The following RAB10 variants were observed in gnomAD, a reference collection of about 807,000 sequenced individuals.
RAB10 encodes ras-related protein Rab-10.
Under a neutral mutation model 25.7 loss-of-function variants are expected in RAB10, and 5 were observed. The observed-to-expected ratio is 0.19, with a 90% CI of 0.10 to 0.41. RAB10 has a LOEUF of 0.41. RAB10 is among the 10% of genes least tolerant of loss of function. The probability of loss-of-function intolerance (pLI) is 1.00; values close to 1 mark genes in which losing one functional copy is unlikely to be tolerated. For missense variants in RAB10, 103 were observed against 245.8 expected (o/e 0.42, Z 3.89); for synonymous variants, 89 against 86.4 (o/e 1.03, Z -0.16).
intron 1 of RAB10, 119 bp downstream of exon 1, chr2:26,034,854 A>G: frequency 1.4e-6 from 2 of 1,397,584 alleles, no homozygotes; most frequent in South Asian, 2.5e-5. Context: ...TCCAAACGAC[A>G]CATCCAAGTT....
chr2:26,095,711 G>A (rs1347575941), intron 1 of RAB10, among the ~76,000 whole-genome samples: 1 of 151,986 alleles, frequency 6.6e-6, no homozygotes, highest in East Asian at 1.9e-4. Context: ...AGGAGTTGGA[G>A]CACCAGCCTG....
At chr2:26,064,279 G>C (rs567646075) in intron 1 of RAB10, among the ~76,000 whole-genome samples, 1 of 152,142 alleles carries the variant, frequency 6.6e-6, no homozygotes, top group Non-Finnish European at 1.5e-5. Context: ...GATTGCAGAC[G>C]TTTATTTTTG....
intron 1 of RAB10, among the ~76,000 whole-genome samples, chr2:26,044,197 A>G (rs1665947061): frequency 1.3e-5 from 2 of 152,230 alleles, no homozygotes; most frequent in Admixed American, 1.3e-4. Context: ...TATTTTCCCC[A>G]CCGCTCAACA....
chr2:26,109,600 TC>T (rs1188865506), intron 2 of RAB10, among the ~76,000 whole-genome samples, 167 bp from the exon 3 acceptor site: 1 of 152,246 alleles, frequency 6.6e-6, no homozygotes, highest in African/African-American at 2.4e-5. Flanking sequence ...ATGTGTCACT[TC>T]CTACTGTTTT....
chr2:26,075,692 G>T (rs1268342717), intron 1 of RAB10, among the ~76,000 whole-genome samples: 2 of 152,072 alleles, frequency 1.3e-5, no homozygotes, highest in African/African-American at 4.8e-5. Context: ...ATGACATTAT[G>T]TGGGAAGTAA....
intron 2 of RAB10, among the ~76,000 whole-genome samples, chr2:26,105,603 C>T (rs752767620): frequency 2.0e-5 from 3 of 151,844 alleles, no homozygotes; most frequent in South Asian, 4.2e-4. Context: ...TGCAGTATGC[C>T]GAGATTGTGC....
At chr2:26,053,484 G>A (rs1479358480) in intron 1 of RAB10, among the ~76,000 whole-genome samples, 1 of 152,274 alleles carries the variant, frequency 6.6e-6, no homozygotes, top group East Asian at 1.9e-4. Flanking sequence ...ATACTGAACA[G>A]CAAGTGATTC....
At chr2:26,125,717 T>A (rs1053287432) in intron 3 of RAB10, among the ~76,000 whole-genome samples, 1 of 152,014 alleles carries the variant, frequency 6.6e-6, no homozygotes, top group African/African-American at 2.4e-5. Context: ...CAAAGTGCTG[T>A]CATTTTTTGT....
At chr2:26,060,089 C>T (rs1034964117) in intron 1 of RAB10, among the ~76,000 whole-genome samples, 3 of 152,068 alleles carry the variant, frequency 2.0e-5, no homozygotes, top group African/African-American at 7.2e-5. Context: ...TTAAAATCCT[C>T]CTTAATTGGC....
At chr2:26,051,872 C>T (rs1011742853) in intron 1 of RAB10, among the ~76,000 whole-genome samples, 7 of 151,246 alleles carry the variant, frequency 4.6e-5, no homozygotes, top group African/African-American at 1.7e-4. Flanking sequence ...GCCTGACCAA[C>T]ATGGTGAAAC....
intron 1 of RAB10, among the ~76,000 whole-genome samples, chr2:26,090,285 T>C (rs1274282706): frequency 3.3e-5 from 5 of 152,194 alleles, no homozygotes; most frequent in African/African-American, 1.2e-4. Flanking sequence ...GATACTGTCA[T>C]TTTGTCTTCT....
intron 3 of RAB10, among the ~76,000 whole-genome samples, chr2:26,124,550 G>T (rs1210930647): frequency 6.6e-6 from 1 of 151,572 alleles, no homozygotes; most frequent in Non-Finnish European, 1.5e-5. Context: ...ACAGGCATGA[G>T]CCCCCGTGCT....
At chr2:26,041,361 T>C (rs1448540607) in intron 1 of RAB10, among the ~76,000 whole-genome samples, 1 of 150,920 alleles carries the variant, frequency 6.6e-6, no homozygotes, top group Non-Finnish European at 1.5e-5. Context: ...GCCAACATGG[T>C]GAAACCCCGT....
intron 1 of RAB10, among the ~76,000 whole-genome samples, chr2:26,074,833 C>T (rs1666698538): frequency 6.6e-6 from 1 of 152,196 alleles, no homozygotes; most frequent in Admixed American, 6.5e-5. Context: ...TAACTTCCTT[C>T]TGCCTTCGTT....
chr2:26,076,473 A>G (rs1256101100), intron 1 of RAB10, among the ~76,000 whole-genome samples: 1 of 152,136 alleles, frequency 6.6e-6, no homozygotes. Flanking sequence ...ACTCTCAATG[A>G]TCTCCTCCTG....
At chr2:26,065,861 A>G (rs908262448) in intron 1 of RAB10, among the ~76,000 whole-genome samples, 10 of 152,218 alleles carry the variant, frequency 6.6e-5, no homozygotes, top group African/African-American at 9.6e-5. Flanking sequence ...GCATATAGTT[A>G]TGAGTAATGT....
At chr2:26,091,609 G>T (rs1332463505) in intron 1 of RAB10, among the ~76,000 whole-genome samples, 1 of 152,146 alleles carries the variant, frequency 6.6e-6, no homozygotes, top group African/African-American at 2.4e-5. Context: ...TAAGAGATGG[G>T]ATATGGAGAT....
In RAB10 at chr2:26,119,644, C is replaced by A. The variant is rs1316296243; in HGVS notation, c.328-7500C>A. On this transcript the variant is annotated intron_variant, in intron 3 of 5. Transcript: ENST00000264710. ...TCAAGCTATCCTCCCAGCCTAGCCT[C>A]CCAGGTACCTAGGACCACAAGCGTG... Among the ~76,000 whole-genome samples, 3 of 152,054 alleles carry A rather than the reference C, an allele frequency of 2.0e-5. No individual in the cohort carries two copies. The East Asian group carries it at 5.8e-4, about 29-fold the overall frequency.
chr2:26,126,351 G>A (rs981742281), intron 3 of RAB10, among the ~76,000 whole-genome samples: 11 of 152,168 alleles, frequency 7.2e-5, no homozygotes, highest in African/African-American at 1.4e-4. Context: ...GCCGATGGGG[G>A]TGGATCACTT....
Sources: allele counts gnomAD v4.1 joint callset (sites outside exome capture counted in the v4.1 genomes callset), GRCh38; gene constraint gnomAD v4.1.1; transcripts MANE v1.5; gene names NCBI Gene and HGNC (gene_info 2026-07-23, HGNC 2026-07-21).